HACL1: variants seen among roughly 807,000 people sequenced by gnomAD.
The protein encoded by HACL1 is 2-hydroxyacyl-CoA lyase 1.
A neutral mutation model predicts 74.2 loss-of-function variants in HACL1; 64 were observed. The ratio of observed to expected loss-of-function variants is 0.86; its 90% CI spans 0.70 to 1.06. The LOEUF (loss-of-function observed/expected upper bound fraction) is 1.06, where lower values mean the gene tolerates loss of function less well. Ranked by LOEUF, HACL1 falls within the 50% of genes least tolerant of loss-of-function variation. HACL1 has a pLI of 0.00. For synonymous variants in HACL1, 230 were observed against 238.8 expected, an observed-to-expected ratio of 0.96 and a Z score of 0.34; for missense variants, 728 against 719.7, an observed-to-expected ratio of 1.01 and a Z score of -0.13.
At chr3:15,588,055 A>G (rs2063823845) in intron 5 of HACL1, among the ~76,000 whole-genome samples, 1 of 151,924 alleles carries the variant, frequency 6.6e-6, no homozygotes, top group Admixed American at 6.6e-5. Context: ...CACCAAGCCC[A>G]GCTAATTTTT....
In HACL1 at chr3:15,601,134, G is replaced by A. The variant is rs758920640; in HGVS notation, c.142C>T (p.Gln48Ter). The change falls in exon 2 of 17, where the codon CAG becomes TAG. Residue 48 changes from glutamine (Q) to a stop codon, truncating the protein, a stop_gained. Transcript: ENST00000321169. LOFTEE classifies it high-confidence loss of function. ...CCGATGTACTTGATGCCTAGCTGCTGGGCAGCAATGGCGATTTCGGTCACT... is the reference window on the plus strand; with the variant it reads ...CCGATGTACTTGATGCCTAGCTGCTAGGCAGCAATGGCGATTTCGGTCACT... ...IPVTEIAIAAQQLGIKYIGMR... is the reference protein window; with the variant it reads ...IPVTEIAIAA 4 of 1,613,598 alleles carry A rather than the reference G, an allele frequency of 2.5e-6. No individual in the cohort carries two copies. The highest frequency in any genetic ancestry group is 3.4e-6 in the Non-Finnish European group (4 of 1,179,486).
intron 4 of HACL1, among the ~76,000 whole-genome samples, 176 bp downstream of exon 4, chr3:15,591,424 T>C (rs1175266758): frequency 3.9e-5 from 6 of 152,106 alleles, no homozygotes. Context: ...TATCTCCCTA[T>C]TCCCCCTCCT....
At chr3:15,585,387 CTTA>C (rs1268452481) in intron 6 of HACL1, 45 bp from the exon 7 acceptor site, 1 of 1,035,134 alleles carries the variant, frequency 9.7e-7, no homozygotes, top group Non-Finnish European at 1.5e-6. Context: ...AAATCTCAGT[CTTA>C]TCATATTCTA....
intron 3 of HACL1, among the ~76,000 whole-genome samples, chr3:15,595,108 A>C (rs1271751392): frequency 2.6e-5 from 4 of 152,176 alleles, no homozygotes; most frequent in Non-Finnish European, 5.9e-5. Flanking sequence ...CAGCCCAGAT[A>C]ACAGTGCAAG....
At chr3:15,595,756 G>A (rs750465348) in intron 3 of HACL1, among the ~76,000 whole-genome samples, 11 of 151,722 alleles carry the variant, frequency 7.3e-5, no homozygotes, top group Non-Finnish European at 1.5e-4. Context: ...GATTACAGAC[G>A]CATGCCACCA....
chr3:15,580,058 C>T lies in HACL1; in HGVS notation c.668-13G>A, dbSNP rs772632169. 2 of 1,607,846 alleles carry T rather than the reference C, an allele frequency of 1.2e-6. No homozygotes were observed. Among genetic ancestry groups the T allele is most frequent in the Non-Finnish European group, 1.7e-6 (2 of 1,175,158 alleles). ...GCGTAAGCAGCACCTATAAGAAATGCAAATGTATTGGACAATTCAGTTAAG... is the reference window on the plus strand; with the variant it reads ...GCGTAAGCAGCACCTATAAGAAATGTAAATGTATTGGACAATTCAGTTAAG... On this transcript the variant is annotated splice_polypyrimidine_tract_variant and intron_variant, in intron 8 of 16. Transcript: ENST00000321169.
chr3:15,578,426 G>T (rs2063663214), intron 9 of HACL1, among the ~76,000 whole-genome samples: 1 of 152,278 alleles, frequency 6.6e-6, no homozygotes, highest in Admixed American at 6.5e-5. Flanking sequence ...GCCAAGATTG[G>T]CTAAGTTTGA....
chr3:15,595,484 C>T (rs1330403206), intron 3 of HACL1, among the ~76,000 whole-genome samples: 5 of 151,640 alleles, frequency 3.3e-5, no homozygotes, highest in Non-Finnish European at 7.4e-5. Context: ...AAGTATGATA[C>T]ACATTCCTGT....
intron 6 of HACL1, 30 bp downstream of exon 6, chr3:15,586,495 A>G: frequency 8.3e-7 from 1 of 1,204,094 alleles, no homozygotes; most frequent in Non-Finnish European, 1.2e-6. Flanking sequence ...AAATCAGTTG[A>G]CTTGGAGAGC....
rs1256978018 is a variant in HACL1 at position 15,560,859 on chromosome 3, C to T, written c.*6G>A. 5 of 1,597,592 alleles carry T rather than the reference C, an allele frequency of 3.1e-6. No individual in the cohort carries two copies. The highest frequency in any genetic ancestry group is 3.4e-5 in the Admixed American group (2 of 58,376). On this transcript the variant is annotated 3_prime_UTR_variant, in exon 17 of 17. Transcript: ENST00000321169. ...AAAACTCAAGACCACCAACTGGCGT[C>T]TTTATTTACATATTAGAGCGGGTCA...
At chr3:15,573,067 A>G (rs997210271) in intron 11 of HACL1, 92 bp downstream of exon 11, 6 of 754,506 alleles carry the variant, frequency 8.0e-6, no homozygotes, top group Non-Finnish European at 1.4e-5. Context: ...TGAATAGTAG[A>G]CCCGTTACCA....
rs1309419076 is a variant in HACL1 at position 15,573,183 on chromosome 3, T to C, written c.969A>G (p.Gly323=). Residue 323 remains glycine (G), a synonymous_variant, in exon 11 of 17, where the codon GGA becomes GGG. Coordinates refer to ENST00000321169, the MANE Select transcript of HACL1 (RefSeq NM_012260.4). ...NNVKPAVTLL[G]NIHAVTKQLL... ...CCTGCTTAGTGACAGCATGTATGTTTCCTAGCAAAGTAACAGCGGGCTTTA... is the reference window on the plus strand; with the variant it reads ...CCTGCTTAGTGACAGCATGTATGTTCCCTAGCAAAGTAACAGCGGGCTTTA... The C allele has an allele frequency of 3.1e-6, 5 of 1,608,188 alleles. No individual in the cohort carries two copies. The African/African-American group carries it at 6.7e-5, about 21-fold the overall frequency.
At chr3:15,575,971 C>A (rs2063617338) in intron 9 of HACL1, among the ~76,000 whole-genome samples, 1 of 150,354 alleles carries the variant, frequency 6.7e-6, no homozygotes, top group Admixed American at 6.6e-5. Flanking sequence ...CCCTGGCCAA[C>A]ATAGTGAAAC....
intron 4 of HACL1, 43 bp from the exon 5 acceptor site, chr3:15,589,655 C>A: frequency 8.4e-7 from 1 of 1,191,808 alleles, no homozygotes; most frequent in South Asian, 1.2e-5. Context: ...CAAATTAGAT[C>A]ATCATGTAAA....
chr3:15,566,658 A>G (rs2063438670), intron 14 of HACL1, among the ~76,000 whole-genome samples: 1 of 151,282 alleles, frequency 6.6e-6, no homozygotes, highest in Admixed American at 6.6e-5. Context: ...CCCATCTTGA[A>G]AAAAAAAAAC....
At chr3:15,564,006 A>G (rs1284785145) in intron 15 of HACL1, among the ~76,000 whole-genome samples, 3 of 152,236 alleles carry the variant, frequency 2.0e-5, no homozygotes, top group African/African-American at 7.2e-5. Flanking sequence ...ACAACAAATA[A>G]TAAGAAAACA....
intron 10 of HACL1, 33 bp from the exon 11 acceptor site, chr3:15,573,275 T>A (rs764143024): frequency 7.8e-7 from 1 of 1,279,354 alleles, no homozygotes; most frequent in Non-Finnish European, 1.1e-6. Flanking sequence ...GAACAACCCA[T>A]GTTTATTCTG....
At chr3:15,568,796 A>T (rs1324249355) in intron 12 of HACL1, among the ~76,000 whole-genome samples, 1 of 152,218 alleles carries the variant, frequency 6.6e-6, no homozygotes, top group Non-Finnish European at 1.5e-5. Flanking sequence ...TTGGGAACAC[A>T]ATTAAATAAG....
At chr3:15,596,776 T>C (rs1011132997) in intron 2 of HACL1, among the ~76,000 whole-genome samples, 11 of 152,218 alleles carry the variant, frequency 7.2e-5, no homozygotes, top group African/African-American at 2.7e-4. Flanking sequence ...ATCCATCTTT[T>C]CAAAGAACAA....
Sources: gnomAD v4.1 joint callset for allele counts (sites outside exome capture counted in the v4.1 genomes callset) on GRCh38, gnomAD v4.1.1 for gene constraint, MANE v1.5 for transcripts, NCBI Gene and HGNC (gene_info 2026-07-23, HGNC 2026-07-21) for gene names.